Variants in FHIT observed in about 807,000 individuals in gnomAD.
FHIT encodes the protein bis(5'-adenosyl)-triphosphatase.
FHIT carries 19 observed loss-of-function variants against 17.9 expected under a neutral mutation model. The ratio of observed to expected loss-of-function variants is 1.06; its 90% CI spans 0.74 to 1.56. The LOEUF (loss-of-function observed/expected upper bound fraction) is 1.56. Among genes scored for constraint, FHIT ranks in the 40% most tolerant of loss-of-function variants. The pLI is 0.00. For synonymous variants in FHIT, 81 were observed against 69.7 expected (o/e 1.16, Z -0.81); for missense variants, 248 against 189.2 (o/e 1.31, Z -1.82).
At chr3:60,273,654 C>T (rs936696175) in intron 5 of FHIT, among the ~76,000 whole-genome samples, 4 of 152,042 alleles carry the variant, frequency 2.6e-5, no homozygotes, top group Admixed American at 2.6e-4. Flanking sequence ...AATGATCATG[C>T]TGATCATACT....
At chr3:60,731,465 T>C (rs1553711199) in intron 4 of FHIT, among the ~76,000 whole-genome samples, 10 of 152,196 alleles carry the variant, frequency 6.6e-5, no homozygotes. Flanking sequence ...TGGGGTTTCA[T>C]ATATTGGCAT....
chr3:61,177,340 C>A (rs1157410199), intron 2 of FHIT, among the ~76,000 whole-genome samples: 2 of 152,098 alleles, frequency 1.3e-5, no homozygotes, highest in Admixed American at 1.3e-4. Context: ...AAACCTGAGT[C>A]TGCCTGATAC....
At chr3:60,998,663 T>C (rs2107598634) in intron 3 of FHIT, among the ~76,000 whole-genome samples, 1 of 152,242 alleles carries the variant, frequency 6.6e-6, no homozygotes, top group African/African-American at 2.4e-5. Context: ...AAACATGAAT[T>C]AAAGGTTTAT....
Position 60,384,045 on chromosome 3 carries a change from G to A in FHIT, c.103+152815C>T, listed in dbSNP as rs138627261. Among the ~76,000 whole-genome samples, 1,298 of 152,180 alleles carry A rather than the reference G, an allele frequency of 8.5e-3. 23 individuals are homozygous for A. Among genetic ancestry groups the A allele is most frequent in the African/African-American group, 0.03 (1,254 of 41,520 alleles). ...AGCACTTTGGGAGGCCGAGGTGGGT[G>A]GATCACGAGGTCAGGAGATCAAGAC... is the stretch of plus-strand genomic sequence containing the variant. On this transcript the variant is annotated intron_variant, in intron 5 of 9. Transcript: ENST00000492590.
At chr3:61,227,728 A>G (rs2040004276) in intron 1 of FHIT, among the ~76,000 whole-genome samples, 1 of 152,204 alleles carries the variant, frequency 6.6e-6, no homozygotes, top group Non-Finnish European at 1.5e-5. Flanking sequence ...CTTACAGCAT[A>G]GAACTTTTTT....
At chr3:59,954,851 A>G (rs1272453370) in intron 7 of FHIT, among the ~76,000 whole-genome samples, 1 of 152,196 alleles carries the variant, frequency 6.6e-6, no homozygotes, top group Non-Finnish European at 1.5e-5. Flanking sequence ...CCAAGCTTAC[A>G]TGCTAGGGCC....
intron 5 of FHIT, among the ~76,000 whole-genome samples, chr3:60,489,415 T>G (rs2033972420): frequency 1.3e-5 from 2 of 152,182 alleles, no homozygotes; most frequent in Admixed American, 6.6e-5. Flanking sequence ...AAACTCCTTT[T>G]AACAAAGTTT....
chr3:60,235,906 A>G (rs150983253), intron 5 of FHIT, among the ~76,000 whole-genome samples: 3 of 152,242 alleles, frequency 2.0e-5, no homozygotes, highest in East Asian at 3.9e-4. Flanking sequence ...AGAGCGTTCA[A>G]TTGGCTCCAG....
chr3:60,859,455 G>A (rs1414273407), intron 3 of FHIT, among the ~76,000 whole-genome samples: 4 of 152,068 alleles, frequency 2.6e-5, no homozygotes, highest in Admixed American at 6.6e-5. Flanking sequence ...CAGGTAGACC[G>A]CATTTCCAAG....
At chr3:60,943,070 A>C (rs190130527) in intron 3 of FHIT, among the ~76,000 whole-genome samples, 1 of 152,214 alleles carries the variant, frequency 6.6e-6, no homozygotes, top group Admixed American at 6.5e-5. Context: ...ATGTGTGTAT[A>C]TTATCTGTTA....
chr3:61,038,462 A>G (rs1021102271), intron 3 of FHIT, among the ~76,000 whole-genome samples: 3 of 152,256 alleles, frequency 2.0e-5, no homozygotes, highest in Non-Finnish European at 4.4e-5. Context: ...CTTAAGGAAC[A>G]TATGTAATAT....
intron 8 of FHIT, among the ~76,000 whole-genome samples, chr3:59,770,448 C>T (rs901608999): frequency 4.6e-5 from 7 of 152,030 alleles, no homozygotes; most frequent in Non-Finnish European, 8.8e-5. Context: ...CTGCCATGCA[C>T]GCAAAGAGAT....
At chr3:60,973,026 A>T (rs545943479) in intron 3 of FHIT, among the ~76,000 whole-genome samples, 275 of 152,106 alleles carry the variant, frequency 1.8e-3, no homozygotes, top group Non-Finnish European at 3.1e-3. Flanking sequence ...TTTCTCAGTC[A>T]CTTTTGGATC....
chr3:59,843,983 G>A (rs1013911172), intron 8 of FHIT, among the ~76,000 whole-genome samples: 38 of 152,054 alleles, frequency 2.5e-4, no homozygotes. Context: ...CATGAGATCT[G>A]TTTGTTTAAA....
intron 7 of FHIT, among the ~76,000 whole-genome samples, chr3:59,979,542 T>C (rs1016350067): frequency 6.6e-6 from 1 of 152,112 alleles, no homozygotes; most frequent in Non-Finnish European, 1.5e-5. Context: ...GGGGACATTT[T>C]TTTTCCTATG....
At chr3:60,206,923 G>C (rs213316) in intron 5 of FHIT, among the ~76,000 whole-genome samples, 95,866 of 151,904 alleles carry the variant, frequency 0.63, 30,526 homozygotes, top group East Asian at 0.84. Flanking sequence ...ATTGTTTCAT[G>C]GAAACCCTTA....
chr3:60,681,736 C>A (rs2040753669), intron 4 of FHIT, among the ~76,000 whole-genome samples: 1 of 152,094 alleles, frequency 6.6e-6, no homozygotes, highest in South Asian at 2.1e-4. Context: ...TCCCTTAACC[C>A]AAGGCTTAAA....
intron 3 of FHIT, among the ~76,000 whole-genome samples, chr3:60,962,943 T>G (rs946658144): frequency 6.6e-6 from 1 of 152,244 alleles, no homozygotes; most frequent in Admixed American, 6.5e-5. Context: ...GCTGGCCGCA[T>G]AAAATGAGTT....
intron 3 of FHIT, among the ~76,000 whole-genome samples, chr3:61,019,424 G>A (rs566588527): frequency 2.6e-5 from 4 of 152,272 alleles, no homozygotes; most frequent in East Asian, 1.9e-4. Flanking sequence ...GAGTAAGGAA[G>A]GAAACAGCAA....
Sources: allele counts gnomAD v4.1 joint callset (sites outside exome capture counted in the v4.1 genomes callset), GRCh38; gene constraint gnomAD v4.1.1; transcripts MANE v1.5; gene names NCBI Gene and HGNC (gene_info 2026-07-23, HGNC 2026-07-21).